The following DGKB variants were observed in gnomAD, a reference collection of about 807,000 sequenced individuals.
DGKB encodes the protein diacylglycerol kinase beta, also known as 90 kDa diacylglycerol kinase.
DGKB carries 67 observed loss-of-function variants against 114.3 expected under a neutral mutation model. The observed-to-expected ratio is 0.59, with a 90% CI of 0.48 to 0.72. The LOEUF (loss-of-function observed/expected upper bound fraction) is 0.72, where lower values mean the gene tolerates loss of function less well. Ranked by LOEUF, DGKB falls within the 30% of genes least tolerant of loss-of-function variation. The pLI, the probability that DGKB is intolerant of heterozygous loss-of-function variation, is 0.00. For missense variants in DGKB, 907 were observed against 975.2 expected (o/e 0.93, Z 0.93); for synonymous variants, 398 against 323.1 (o/e 1.23, Z -2.49).
At chr7:14,503,254 A>G (rs1405669145) in intron 20 of DGKB, among the ~76,000 whole-genome samples, 1 of 152,108 alleles carries the variant, frequency 6.6e-6, no homozygotes, top group African/African-American at 2.4e-5. Context: ...AAGTTTTTAG[A>G]CAGTTTGGTA....
chr7:14,803,059 A>G (rs1377610708), intron 2 of DGKB, among the ~76,000 whole-genome samples: 3 of 152,056 alleles, frequency 2.0e-5, no homozygotes, highest in Non-Finnish European at 2.9e-5. Context: ...AGAGATGTCA[A>G]TGTAGGCCTT....
At chr7:14,797,512 A>T (rs1350311956) in intron 2 of DGKB, among the ~76,000 whole-genome samples, 2 of 152,226 alleles carry the variant, frequency 1.3e-5, no homozygotes, top group Non-Finnish European at 2.9e-5. Flanking sequence ...ATATATTTCC[A>T]CGAAATATAT....
At chr7:14,345,671 A>C (rs1463925159) in intron 21 of DGKB, among the ~76,000 whole-genome samples, 1 of 151,672 alleles carries the variant, frequency 6.6e-6, no homozygotes, top group Non-Finnish European at 1.5e-5. Context: ...TTTAATGCTC[A>C]TGATTCTTAG....
chr7:14,471,446 C>T (rs1781376243), intron 21 of DGKB, among the ~76,000 whole-genome samples: 1 of 143,124 alleles, frequency 7.0e-6, no homozygotes, highest in African/African-American at 2.6e-5. Context: ...ATTTAGTCTT[C>T]AGTTCAATAC....
At chr7:14,710,142 A>T (rs183979813) in intron 6 of DGKB, among the ~76,000 whole-genome samples, 4 of 152,070 alleles carry the variant, frequency 2.6e-5, no homozygotes, top group Non-Finnish European at 4.4e-5. Flanking sequence ...TGAGTCTTGA[A>T]ATCTACAACC....
intron 2 of DGKB, among the ~76,000 whole-genome samples, chr7:14,766,941 T>C (rs1836543885): frequency 6.6e-6 from 1 of 151,654 alleles, no homozygotes; most frequent in African/African-American, 2.4e-5. Flanking sequence ...AGGAAATCAT[T>C]TGTGTCCCTT....
At chr7:14,812,236 G>A (rs1843543150) in intron 2 of DGKB, among the ~76,000 whole-genome samples, 1 of 152,088 alleles carries the variant, frequency 6.6e-6, no homozygotes, top group East Asian at 1.9e-4. Context: ...TATGAATAAT[G>A]CTGCTTTGAA....
chr7:14,266,574 G>C (rs890266590), intron 23 of DGKB, among the ~76,000 whole-genome samples: 10 of 152,130 alleles, frequency 6.6e-5, no homozygotes, highest in Non-Finnish European at 1.0e-4. Flanking sequence ...CAGGTAAAGA[G>C]GCATCTGTGT....
At chr7:14,764,475 G>C (rs1159254419) in intron 2 of DGKB, among the ~76,000 whole-genome samples, 2 of 151,732 alleles carry the variant, frequency 1.3e-5, no homozygotes, top group African/African-American at 4.8e-5. Context: ...ATCCATATCA[G>C]GATCATCCGG....
At chr7:14,169,770 T>G (rs1307501785) in intron 25 of DGKB, among the ~76,000 whole-genome samples, 1 of 152,042 alleles carries the variant, frequency 6.6e-6, no homozygotes, top group Non-Finnish European at 1.5e-5. Context: ...TAAAAATAAA[T>G]AATATAAATA....
intron 21 of DGKB, among the ~76,000 whole-genome samples, chr7:14,456,337 G>T (rs1832280769): frequency 6.6e-6 from 1 of 152,002 alleles, no homozygotes; most frequent in African/African-American, 2.4e-5. Flanking sequence ...ACTCTTTTAG[G>T]CACTCAGATG....
At chr7:14,290,495 C>A (rs891097937) in intron 23 of DGKB, among the ~76,000 whole-genome samples, 18 of 152,060 alleles carry the variant, frequency 1.2e-4, no homozygotes, top group African/African-American at 4.3e-4. Flanking sequence ...CTGATGCTCA[C>A]GTCCATCAAA....
intron 13 of DGKB, among the ~76,000 whole-genome samples, chr7:14,646,135 C>A (rs762047294): frequency 2.9e-4 from 44 of 152,152 alleles, no homozygotes; most frequent in Admixed American, 7.2e-4. Flanking sequence ...TCTCACTTCA[C>A]TTGCAAAGAC....
intron 1 of DGKB, among the ~76,000 whole-genome samples, chr7:14,959,106 G>A (rs1003030735): frequency 2.0e-5 from 3 of 152,016 alleles, no homozygotes; most frequent in African/African-American, 2.4e-5. Context: ...TGGATAAAGC[G>A]TGACATCTTT....
At chr7:14,404,121 T>C (rs1263725619) in intron 21 of DGKB, among the ~76,000 whole-genome samples, 1 of 151,276 alleles carries the variant, frequency 6.6e-6, no homozygotes, top group Non-Finnish European at 1.5e-5. Context: ...TTAAGCTTAC[T>C]TATTTAGTGA....
intron 13 of DGKB, among the ~76,000 whole-genome samples, chr7:14,641,925 T>C (rs768638715): frequency 6.6e-6 from 1 of 152,098 alleles, no homozygotes; most frequent in Non-Finnish European, 1.5e-5. Flanking sequence ...ATAAATTAAT[T>C]TGAAGTGACG....
At chr7:14,893,923 C>T (rs1781698620) in intron 1 of DGKB, among the ~76,000 whole-genome samples, 1 of 151,240 alleles carries the variant, frequency 6.6e-6, no homozygotes, top group Admixed American at 6.6e-5. Context: ...ATAGGATCTC[C>T]ATAATGTCAA....
intron 13 of DGKB, among the ~76,000 whole-genome samples, chr7:14,659,936 G>C (rs1563825036): frequency 1.3e-5 from 2 of 151,914 alleles, no homozygotes; most frequent in South Asian, 4.2e-4. Flanking sequence ...AGAGTTTTTA[G>C]CATGAAGGGT....
At chr7:14,540,048 A>C (rs1384686983) in intron 20 of DGKB, among the ~76,000 whole-genome samples, 1 of 152,024 alleles carries the variant, frequency 6.6e-6, no homozygotes, top group Non-Finnish European at 1.5e-5. Flanking sequence ...TTTATTTAAT[A>C]TTTCACTTAA....
Sources: allele counts gnomAD v4.1 joint callset (sites outside exome capture counted in the v4.1 genomes callset), GRCh38; gene constraint gnomAD v4.1.1; transcripts MANE v1.5; gene names NCBI Gene and HGNC (gene_info 2026-07-23, HGNC 2026-07-21).